UTRN: variants seen among roughly 807,000 people sequenced by gnomAD.
UTRN encodes the protein utrophin.
Under a neutral mutation model 463.9 loss-of-function variants are expected in UTRN, and 283 were observed. That is an observed-to-expected ratio of 0.61 (90% CI 0.55 to 0.67). The LOEUF is 0.67. Ranked by LOEUF, UTRN falls within the 30% of genes least tolerant of loss-of-function variation. The pLI, the probability that UTRN is intolerant of heterozygous loss-of-function variation, is 0.00. For synonymous variants in UTRN, 1,442 were observed against 1,431.5 expected, an observed-to-expected ratio of 1.01 and a Z score of -0.17; for missense variants, 3,922 against 4,084.3, an observed-to-expected ratio of 0.96 and a Z score of 1.08.
At chr6:144,565,984 A>C (rs1477712754) in intron 50 of UTRN, among the ~76,000 whole-genome samples, 1 of 152,162 alleles carries the variant, frequency 6.6e-6, no homozygotes, top group Non-Finnish European at 1.5e-5. Context: ...GACCCACTAG[A>C]TGAGAGACTG....
intron 68 of UTRN, 48 bp from the exon 69 acceptor site, chr6:144,828,742 A>G: frequency 6.4e-7 from 1 of 1,557,918 alleles, no homozygotes; most frequent in Non-Finnish European, 8.9e-7. Flanking sequence ...CCAATTGACC[A>G]TGTCCTATAT....
At chr6:144,812,559 T>C (rs1276691107) in intron 65 of UTRN, among the ~76,000 whole-genome samples, 1 of 152,182 alleles carries the variant, frequency 6.6e-6, no homozygotes, top group Non-Finnish European at 1.5e-5. Context: ...CATGCATTCA[T>C]ATAGAGATAT....
intron 53 of UTRN, among the ~76,000 whole-genome samples, chr6:144,702,155 G>C (rs553712719): frequency 4.6e-5 from 7 of 152,272 alleles, no homozygotes; most frequent in Admixed American, 3.9e-4. Flanking sequence ...TGCTAATAGT[G>C]TTTACCGAAA....
chr6:144,614,571 G>A (rs545979212), intron 51 of UTRN, among the ~76,000 whole-genome samples: 1 of 152,262 alleles, frequency 6.6e-6, no homozygotes, highest in African/African-American at 2.4e-5. Flanking sequence ...TTCAAGCAAA[G>A]TAAATGAATG....
chr6:144,835,807 G>C lies in UTRN; in HGVS notation c.9693G>C (p.Gln3231His). 5 of 1,614,094 alleles carry C rather than the reference G, an allele frequency of 3.1e-6. No homozygotes were observed. Among genetic ancestry groups the C allele is most frequent in the Non-Finnish European group, 4.2e-6 (5 of 1,179,972 alleles). Reference protein sequence around the residue: ...SVEDEHALIQQYCQTLGGESP... With the variant: ...SVEDEHALIQHYCQTLGGESP... Reference sequence around the variant, plus strand: ...AAGACGAGCACGCCCTCATCCAGCAGTATTGCCAAACACTCGGAGGAGAGT... The same window carrying C: ...AAGACGAGCACGCCCTCATCCAGCACTATTGCCAAACACTCGGAGGAGAGT... The change falls in exon 70 of 75, where the codon CAG (glutamine) becomes CAC (histidine). Residue 3231 changes from glutamine (Q) to histidine (H), a missense_variant. Physicochemically the swap from Gln to His is conservative, Grantham distance 24. This residue lies in a region of UTRN where 1,309 missense variants were observed against 1,452.6 expected (regional missense o/e 0.90). Transcript: ENST00000367545.
In UTRN at chr6:144,807,223, A is replaced by G. The variant is rs555086568; in HGVS notation, c.9357+4076A>G. Among the ~76,000 whole-genome samples the G allele has an allele frequency of 5.9e-5, 9 of 152,210 alleles. No homozygotes were observed. In the South Asian group the frequency reaches 1.5e-3, roughly 25 times the overall value. On this transcript the variant is annotated intron_variant, in intron 65 of 74. Transcript: ENST00000367545. ...CTGACTCTGAATGTTTCTATTTTTA[A>G]GAGCTTTCTGCAATTTAGAAACCTT...
chr6:144,740,410 G>A (rs928065316), intron 54 of UTRN, among the ~76,000 whole-genome samples: 2 of 152,044 alleles, frequency 1.3e-5, no homozygotes, highest in African/African-American at 2.4e-5. Context: ...TCCTAACACC[G>A]AGGGAGAAGG....
At chr6:144,838,305 T>C (rs1375859623) in intron 71 of UTRN, among the ~76,000 whole-genome samples, 1 of 152,212 alleles carries the variant, frequency 6.6e-6, no homozygotes, top group African/African-American at 2.4e-5. Context: ...AAATGGCTTC[T>C]ATATCCAAGA....
intron 53 of UTRN, among the ~76,000 whole-genome samples, chr6:144,704,516 T>C (rs1784884512): frequency 1.3e-5 from 2 of 152,194 alleles, no homozygotes; most frequent in Admixed American, 1.3e-4. Flanking sequence ...GGGTAAGCAT[T>C]CTTTGTAGGT....
At chr6:144,788,806 G>C (rs924905395) in intron 61 of UTRN, among the ~76,000 whole-genome samples, 4 of 152,068 alleles carry the variant, frequency 2.6e-5, no homozygotes, top group African/African-American at 9.7e-5. Context: ...CAGGTGATCC[G>C]CCTGCCTTGG....
intron 51 of UTRN, among the ~76,000 whole-genome samples, chr6:144,674,319 T>G (rs1389851068): frequency 6.6e-6 from 1 of 151,946 alleles, no homozygotes; most frequent in African/African-American, 2.4e-5. Flanking sequence ...AATCCTAAAT[T>G]TCTTGGAGGC....
chr6:144,714,671 A>G (rs939663302), intron 53 of UTRN, among the ~76,000 whole-genome samples: 5 of 152,212 alleles, frequency 3.3e-5, no homozygotes, highest in Non-Finnish European at 5.9e-5. Context: ...ATTCTGACAC[A>G]TGTAACACAA....
chr6:144,312,795 A>G (rs955668415), intron 2 of UTRN, among the ~76,000 whole-genome samples: 2 of 152,052 alleles, frequency 1.3e-5, no homozygotes, highest in African/African-American at 4.8e-5. Flanking sequence ...CTCCCATTTT[A>G]TTTTATTTTA....
At chr6:144,610,308 T>C (rs1349779728) in intron 51 of UTRN, among the ~76,000 whole-genome samples, 2 of 151,740 alleles carry the variant, frequency 1.3e-5, no homozygotes, top group Non-Finnish European at 2.9e-5. Flanking sequence ...CAGCAACTAA[T>C]TGAATAACAT....
At chr6:144,584,535 T>C (rs1273830593) in intron 51 of UTRN, among the ~76,000 whole-genome samples, 2 of 152,156 alleles carry the variant, frequency 1.3e-5, no homozygotes, top group African/African-American at 4.8e-5. Flanking sequence ...TTTCTGATGA[T>C]ATACAGTATG....
chr6:144,746,094 G>A (rs1480383708), intron 54 of UTRN, among the ~76,000 whole-genome samples: 6 of 151,630 alleles, frequency 4.0e-5, no homozygotes, highest in Admixed American at 1.3e-4. Context: ...TCTGCCTCCC[G>A]GGGTCAAGCG....
intron 6 of UTRN, 115 bp from the exon 7 acceptor site, chr6:144,426,172 C>T: frequency 7.8e-7 from 1 of 1,281,748 alleles, no homozygotes; most frequent in Non-Finnish European, 1.1e-6. Context: ...ATGCCAGTTA[C>T]CTGATCCATA....
intron 2 of UTRN, among the ~76,000 whole-genome samples, chr6:144,340,842 C>A (rs1777088305): frequency 6.6e-6 from 1 of 152,164 alleles, no homozygotes; most frequent in South Asian, 2.1e-4. Context: ...TCAAAAGCGC[C>A]CCCCTATTGA....
In UTRN at chr6:144,424,101, T is replaced by C. The variant is rs1785089510; in HGVS notation, c.405+23T>C. 5 of 1,606,570 alleles carry C rather than the reference T, an allele frequency of 3.1e-6. No individual in the cohort carries two copies. The African/African-American group carries it at 6.7e-5, about 22-fold the overall frequency. ...CAGGTGGGGAAATTTCCAATCACTT[T>C]TTAATAGAGATGGAAAATGTGTTGT... On this transcript the variant is annotated intron_variant, in intron 6 of 74. Transcript: ENST00000367545.
Sources: gnomAD v4.1 joint callset for allele counts (sites outside exome capture counted in the v4.1 genomes callset) on GRCh38, gnomAD v4.1.1 for gene constraint, gnomAD v4.1.1 regional missense constraint, MANE v1.5 for transcripts, NCBI Gene and HGNC (gene_info 2026-07-23, HGNC 2026-07-21) for gene names.